Variants in CSMD1 observed in about 807,000 individuals in gnomAD.
CSMD1 encodes the protein CUB and Sushi multiple domains 1.
CSMD1 carries 213 observed loss-of-function variants against 417.5 expected under a neutral mutation model. That is an observed-to-expected ratio of 0.51 (90% CI 0.46 to 0.57). The LOEUF (loss-of-function observed/expected upper bound fraction) is 0.57, where lower values mean the gene tolerates loss of function less well. Among genes scored for constraint, CSMD1 ranks in the 20% least tolerant of loss-of-function variants. CSMD1 has a pLI of 0.00. For synonymous variants in CSMD1, 2,862 were observed against 1,736.8 expected, an observed-to-expected ratio of 1.65 and a Z score of -16.11; for missense variants, 6,923 against 4,529.7, an observed-to-expected ratio of 1.53 and a Z score of -15.17.
intron 7 of CSMD1, among the ~76,000 whole-genome samples, chr8:3,639,510 A>G (rs1247847674): frequency 6.6e-6 from 1 of 152,190 alleles, no homozygotes; most frequent in Non-Finnish European, 1.5e-5. Flanking sequence ...AATGACAGTA[A>G]AAGACACAGA....
intron 5 of CSMD1, among the ~76,000 whole-genome samples, chr8:3,756,210 G>C (rs1016295279): frequency 6.6e-6 from 1 of 151,746 alleles, no homozygotes; most frequent in African/African-American, 2.4e-5. Flanking sequence ...AAAATTAGCC[G>C]GGCATGGTGG....
intron 1 of CSMD1, among the ~76,000 whole-genome samples, chr8:4,822,730 T>A (rs1358246896): frequency 6.6e-6 from 1 of 152,144 alleles, no homozygotes; most frequent in Admixed American, 6.6e-5. Flanking sequence ...TTCATAAGAA[T>A]GATTCACTAT....
At chr8:4,395,932 C>T (rs13258474) in intron 3 of CSMD1, among the ~76,000 whole-genome samples, 4,377 of 152,148 alleles carry the variant, frequency 0.029, 140 homozygotes, top group Non-Finnish European at 0.034. Flanking sequence ...TTTTTGTAAC[C>T]GTTGAAATAT....
At position 3,412,079 on chromosome 8, in the gene CSMD1, C is replaced by CGT. The variant is rs1812832023; in HGVS notation, c.1562-2475_1562-2474insAC. Among the ~76,000 whole-genome samples, 2 of 46,810 alleles carry CGT rather than the reference C, an allele frequency of 4.3e-5. 1 individual carries two copies. Among genetic ancestry groups the CGT allele is most frequent in the African/African-American group, 2.3e-4 (2 of 8,832 alleles). The allele number at this position is 46,810 out of a possible 152,430, so 30.7% of individuals were successfully genotyped here. A position where few individuals can be genotyped will look rare whatever the true frequency, so the allele number is the denominator to read the frequency against. On this transcript the variant is annotated intron_variant, in intron 12 of 69. Coordinates refer to ENST00000635120, the MANE Select transcript of CSMD1 (RefSeq NM_033225.6). ...ATACACACGTATATATACATATATA[C>CGT]ATATATATACACACGTATATATACA... is the stretch of plus-strand genomic sequence containing the variant.
intron 49 of CSMD1, among the ~76,000 whole-genome samples, chr8:3,086,628 C>G (rs1358128277): frequency 6.6e-6 from 1 of 150,502 alleles, no homozygotes; most frequent in Non-Finnish European, 1.5e-5. Context: ...GATAAAATGC[C>G]AAAAAAAAGG....
chr8:3,318,679 G>A (rs62504768), intron 23 of CSMD1, among the ~76,000 whole-genome samples: 12,562 of 152,168 alleles, frequency 0.083, 672 homozygotes, highest in Non-Finnish European at 0.12. Context: ...GGTGCATGAC[G>A]AGAGTAAGAA....
rs559910942 is a variant in CSMD1 at position 4,962,200 on chromosome 8, A to T, written c.85+32132T>A. Among the ~76,000 whole-genome samples the T allele has an allele frequency of 5.4e-4, 77 of 141,776 alleles. 1 individual carries two copies. The highest frequency in any genetic ancestry group is 2.1e-3 in the African/African-American group (74 of 34,754). The allele number at this position is 141,776 out of a possible 152,430, so 93.0% of individuals were successfully genotyped here. ...ATGTAAATTTCTGCTTTTTTTTTAAAAAAAAAAGAAAAAAACAAATATTTG... is the reference window on the plus strand; with the variant it reads ...ATGTAAATTTCTGCTTTTTTTTTAATAAAAAAAGAAAAAAACAAATATTTG... On this transcript the variant is annotated intron_variant, in intron 1 of 69. Transcript: ENST00000635120.
At chr8:3,744,129 A>T (rs890814657) in intron 6 of CSMD1, among the ~76,000 whole-genome samples, 3 of 152,170 alleles carry the variant, frequency 2.0e-5, no homozygotes, top group African/African-American at 7.2e-5. Context: ...TCCTGAAATG[A>T]TTGAGACTTG....
intron 12 of CSMD1, among the ~76,000 whole-genome samples, chr8:3,457,537 C>G (rs976025810): frequency 6.6e-6 from 1 of 152,184 alleles, no homozygotes; most frequent in African/African-American, 2.4e-5. Flanking sequence ...CCTGGCCGTT[C>G]CTGGCTTAGA....
chr8:3,230,397 T>C (rs758455563), intron 26 of CSMD1, among the ~76,000 whole-genome samples, 166 bp from the exon 27 acceptor site: 2 of 152,216 alleles, frequency 1.3e-5, no homozygotes, highest in Non-Finnish European at 2.9e-5. Flanking sequence ...GTACATTCAA[T>C]AACATACATC....
intron 7 of CSMD1, among the ~76,000 whole-genome samples, chr8:3,665,941 G>T (rs565727625): frequency 2.4e-4 from 36 of 152,138 alleles, no homozygotes; most frequent in African/African-American, 8.4e-4. Context: ...GCAGTGGAGT[G>T]GCCTCAGCTC....
At chr8:4,099,038 G>A (rs970142081) in intron 3 of CSMD1, among the ~76,000 whole-genome samples, 2 of 152,104 alleles carry the variant, frequency 1.3e-5, no homozygotes, top group Non-Finnish European at 2.9e-5. Context: ...AACAAATGTG[G>A]ATGCATGTGA....
At chr8:3,004,775 A>C (rs1182187551) in intron 52 of CSMD1, among the ~76,000 whole-genome samples, 1 of 152,214 alleles carries the variant, frequency 6.6e-6, no homozygotes, top group Non-Finnish European at 1.5e-5. Flanking sequence ...CCAGTAACGG[A>C]ACCAAGAATG....
intron 2 of CSMD1, among the ~76,000 whole-genome samples, chr8:4,429,587 A>C (rs1227487452): frequency 6.6e-6 from 1 of 152,142 alleles, no homozygotes; most frequent in East Asian, 1.9e-4. Context: ...CTGATTTAGG[A>C]GGCAAAGAAA....
At chr8:4,547,837 T>C (rs1797698880) in intron 2 of CSMD1, among the ~76,000 whole-genome samples, 1 of 152,180 alleles carries the variant, frequency 6.6e-6, no homozygotes, top group Non-Finnish European at 1.5e-5. Context: ...ATGGTTAGGT[T>C]TTGTTGTTGT....
At chr8:4,393,399 G>T (rs1803987909) in intron 3 of CSMD1, among the ~76,000 whole-genome samples, 1 of 152,210 alleles carries the variant, frequency 6.6e-6, no homozygotes, top group Non-Finnish European at 1.5e-5. Context: ...AGTTATGGTT[G>T]TGAAATCATT....
chr8:3,697,557 A>G (rs922120019), intron 7 of CSMD1, among the ~76,000 whole-genome samples: 2 of 152,158 alleles, frequency 1.3e-5, no homozygotes, highest in Non-Finnish European at 2.9e-5. Flanking sequence ...TCACTAACAA[A>G]GACTTGCTCA....
At chr8:4,355,883 A>C (rs2128904345) in intron 3 of CSMD1, among the ~76,000 whole-genome samples, 1 of 152,290 alleles carries the variant, frequency 6.6e-6, no homozygotes, top group South Asian at 2.1e-4. Flanking sequence ...CTTGCCATTT[A>C]AACAGCGCAG....
intron 23 of CSMD1, among the ~76,000 whole-genome samples, chr8:3,334,872 G>T (rs554051687): frequency 6.6e-6 from 1 of 152,340 alleles, no homozygotes; most frequent in East Asian, 1.9e-4. Context: ...CAGCCTGCTG[G>T]GGAGCTGCAA....
Sources: allele counts gnomAD v4.1 joint callset (sites outside exome capture counted in the v4.1 genomes callset), GRCh38; gene constraint gnomAD v4.1.1; transcripts MANE v1.5; gene names NCBI Gene and HGNC (gene_info 2026-07-23, HGNC 2026-07-21).